Variants in SESTD1 observed in about 807,000 individuals in gnomAD.
SESTD1 encodes SEC14 domain and spectrin repeat-containing protein 1.
In SESTD1, 43 loss-of-function variants were observed where a neutral mutation model predicts 101.7. That is an observed-to-expected ratio of 0.42 (90% CI 0.33 to 0.55). The LOEUF (loss-of-function observed/expected upper bound fraction) is 0.55, where lower values mean the gene tolerates loss of function less well. SESTD1 is among the 20% of genes least tolerant of loss of function. The probability of loss-of-function intolerance (pLI) is 0.07; values close to 1 mark genes in which losing one functional copy is unlikely to be tolerated. For synonymous variants in SESTD1, 283 were observed against 286.8 expected (o/e 0.99, Z 0.13); for missense variants, 647 against 815.1 (o/e 0.79, Z 2.51).
intron 1 of SESTD1, among the ~76,000 whole-genome samples, chr2:179,255,305 G>T (rs1298079152): frequency 3.3e-5 from 5 of 152,190 alleles, no homozygotes; most frequent in Non-Finnish European, 7.3e-5. Context: ...TCAAAAGCTA[G>T]GTCTCTTGTG....
chr2:179,138,231 T>A (rs752599613), intron 9 of SESTD1, among the ~76,000 whole-genome samples: 3 of 152,160 alleles, frequency 2.0e-5, no homozygotes. Context: ...GTTGAGCTGG[T>A]CTGTCATTTA....
At chr2:179,206,151 C>T (rs115493245) in intron 1 of SESTD1, among the ~76,000 whole-genome samples, 1,572 of 135,118 alleles carry the variant, frequency 0.012, 397 homozygotes, top group African/African-American at 0.043. Flanking sequence ...AAATAGGAGA[C>T]AGGACTAACG....
chr2:179,169,392 CAT>C (rs1200512419), intron 5 of SESTD1, among the ~76,000 whole-genome samples: 1 of 151,944 alleles, frequency 6.6e-6, no homozygotes, highest in African/African-American at 2.4e-5. Flanking sequence ...ACCAAGAAGA[CAT>C]AGCTATCCTA....
chr2:179,236,815 C>T (rs2047075846), intron 1 of SESTD1, among the ~76,000 whole-genome samples: 2 of 148,482 alleles, frequency 1.3e-5, no homozygotes, highest in South Asian at 2.1e-4. Flanking sequence ...TTGTGGTTCA[C>T]AGGCTTTACA....
At position 179,115,168 on chromosome 2, in the gene SESTD1, G is replaced by A; in HGVS notation, c.1736C>T (p.Thr579Ile). Residue 579 changes from threonine (T) to isoleucine (I), a missense_variant, in exon 16 of 18, where the codon ACA (threonine) becomes ATA (isoleucine). Thr to Ile is a moderately conservative substitution (Grantham distance 89). Around this residue, in one of 3 missense-constraint regions of SESTD1, gnomAD observed 476 missense variants for 562.6 expected, o/e 0.85. Transcript: ENST00000428443. ...CCATACTCTGTTCAGTCGAGGAAGTGTATCCCCAGATGACCGAGAAGTGCA... is the reference window on the plus strand; with the variant it reads ...CCATACTCTGTTCAGTCGAGGAAGTATATCCCCAGATGACCGAGAAGTGCA... ...LRCTSRSSGD[T>I]LPRLNRVWKQ... is the part of the protein sequence containing the mutation. The A allele has an allele frequency of 2.5e-6, 4 of 1,614,004 alleles. No individual in the cohort carries two copies. The highest frequency in any genetic ancestry group is 1.6e-4 in the Middle Eastern group (1 of 6,062).
At chr2:179,181,010 C>G (rs868162234) in intron 3 of SESTD1, among the ~76,000 whole-genome samples, 2 of 152,246 alleles carry the variant, frequency 1.3e-5, no homozygotes, top group Middle Eastern at 6.8e-3. Flanking sequence ...TTTTGCCTTG[C>G]TAGAATGAGT....
intron 1 of SESTD1, among the ~76,000 whole-genome samples, chr2:179,238,688 CATAAT>C (rs540064822): frequency 1.2e-4 from 18 of 151,638 alleles, no homozygotes; most frequent in Non-Finnish European, 2.1e-4. Context: ...GCTTTGGAGT[CATAAT>C]ATAATAAACC....
At chr2:179,152,525 G>T (rs997443062) in intron 5 of SESTD1, among the ~76,000 whole-genome samples, 1 of 152,096 alleles carries the variant, frequency 6.6e-6, no homozygotes, top group Non-Finnish European at 1.5e-5. Flanking sequence ...ACTTAAGGAG[G>T]ACTTGTGGAA....
intron 13 of SESTD1, among the ~76,000 whole-genome samples, chr2:179,120,866 A>G (rs1457627543): frequency 6.6e-6 from 1 of 152,236 alleles, no homozygotes; most frequent in Non-Finnish European, 1.5e-5. Flanking sequence ...AGACGTACCC[A>G]TATGTGTGAT....
chr2:179,245,245 G>A (rs1033658385), intron 1 of SESTD1, among the ~76,000 whole-genome samples: 2 of 152,018 alleles, frequency 1.3e-5, no homozygotes, highest in Admixed American at 6.6e-5. Context: ...AGCTGGGCAC[G>A]TTGGCTCACG....
At chr2:179,181,206 G>GGCGTTC (rs1348490748) in intron 3 of SESTD1, among the ~76,000 whole-genome samples, 27 of 152,160 alleles carry the variant, frequency 1.8e-4, no homozygotes, top group Non-Finnish European at 2.6e-4. Flanking sequence ...ATCCACGCCA[G>GGCGTTC]AGTGAACATG....
intron 4 of SESTD1, among the ~76,000 whole-genome samples, 163 bp from the exon 5 acceptor site, chr2:179,172,396 A>C (rs989442094): frequency 6.6e-6 from 1 of 152,202 alleles, no homozygotes; most frequent in Admixed American, 6.5e-5. Flanking sequence ...ATACATGGCA[A>C]TAAAGAAGAA....
chr2:179,121,810 T>A lies in SESTD1; in HGVS notation c.1402A>T (p.Ile468Leu). The change falls in exon 13 of 18, where the codon ATA becomes TTA. Residue 468 changes from isoleucine to leucine, a missense_variant. Ile to Leu is a conservative substitution (Grantham distance 5, BLOSUM62 2). Coordinates refer to ENST00000428443, the MANE Select transcript of SESTD1 (RefSeq NM_178123.5). ...TIENKENVDH[I>L]QGVMEDMQLR... ...TGCATATCTTCCATCACTCCTTGTA[T>A]GTGGTCCACATTTTCTTTATTTTCA... 1 of 1,607,802 alleles carries A rather than the reference T, an allele frequency of 6.2e-7. No individual in the cohort carries two copies. Among genetic ancestry groups the A allele is most frequent in the Non-Finnish European group, 8.5e-7 (1 of 1,177,350 alleles).
At chr2:179,198,785 T>C (rs977468582) in intron 1 of SESTD1, among the ~76,000 whole-genome samples, 8 of 151,864 alleles carry the variant, frequency 5.3e-5, no homozygotes, top group African/African-American at 1.9e-4. Context: ...ATACCAGAAT[T>C]TCTGGGACGC....
At chr2:179,255,961 T>C (rs2047387133) in intron 1 of SESTD1, among the ~76,000 whole-genome samples, 1 of 152,164 alleles carries the variant, frequency 6.6e-6, no homozygotes, top group Non-Finnish European at 1.5e-5. Context: ...TAACAGCATA[T>C]GTGCTTACAG....
intron 5 of SESTD1, among the ~76,000 whole-genome samples, chr2:179,156,182 ACACATATATATAT>A (rs1488794437): frequency 2.0e-5 from 3 of 152,038 alleles, no homozygotes; most frequent in South Asian, 2.1e-4. Context: ...GTGTATATAT[ACACATATATATAT>A]CACATATATA....
intron 9 of SESTD1, among the ~76,000 whole-genome samples, chr2:179,132,728 G>A (rs76294503): frequency 0.022 from 3,300 of 152,246 alleles, 113 homozygotes; most frequent in African/African-American, 0.072. Flanking sequence ...ATTAACTTAC[G>A]AAAAGAGAAT....
intron 1 of SESTD1, among the ~76,000 whole-genome samples, chr2:179,246,847 A>C (rs1005193455): frequency 1.3e-5 from 2 of 152,246 alleles, no homozygotes; most frequent in African/African-American, 4.8e-5. Flanking sequence ...ATTTCTAAAA[A>C]ATCTCATGAG....
rs930606003 is a variant in SESTD1, at chr2:179,110,126, A to G, written c.1962-98T>C. 7.6e-6 allele frequency: 9 copies of G among 1,187,136 alleles called. No individual in the cohort carries two copies. In the African/African-American group the frequency reaches 1.2e-4, roughly 16 times the overall value. 73.5% of individuals were successfully genotyped at this position (1,187,136 alleles called of 1,614,324 possible). A position where few individuals can be genotyped will look rare whatever the true frequency, so the allele number is the denominator to read the frequency against. On this transcript the variant is annotated intron_variant, in intron 17 of 17. Coordinates refer to ENST00000428443, the MANE Select transcript of SESTD1 (RefSeq NM_178123.5). Reference sequence around the variant, plus strand: ...CAAAAATTTACCATAAAAAATCTACATGAGATAGCCTATGTGTAAATATCA... The same window carrying G: ...CAAAAATTTACCATAAAAAATCTACGTGAGATAGCCTATGTGTAAATATCA...
Sources: gnomAD v4.1 joint callset for allele counts (sites outside exome capture counted in the v4.1 genomes callset) on GRCh38, gnomAD v4.1.1 for gene constraint, gnomAD v4.1.1 regional missense constraint, MANE v1.5 for transcripts, NCBI Gene and HGNC (gene_info 2026-07-23, HGNC 2026-07-21) for gene names.